Variants in TACR1 observed in about 807,000 individuals in gnomAD.
TACR1 encodes tachykinin receptor 1.
A neutral mutation model predicts 35.8 loss-of-function variants in TACR1; 25 were observed. The ratio of observed to expected loss-of-function variants is 0.70; its 90% CI spans 0.51 to 0.98. The LOEUF (loss-of-function observed/expected upper bound fraction) is 0.98. Ranked by LOEUF, TACR1 falls within the 50% of genes least tolerant of loss-of-function variation. The pLI, the probability that TACR1 is intolerant of heterozygous loss-of-function variation, is 0.00. For missense variants in TACR1, 478 were observed against 522.9 expected, an observed-to-expected ratio of 0.91 and a Z score of 0.84; for synonymous variants, 195 against 206.7, an observed-to-expected ratio of 0.94 and a Z score of 0.48.
intron 2 of TACR1, among the ~76,000 whole-genome samples, chr2:75,077,761 T>TG (rs1673008686): frequency 6.6e-6 from 1 of 152,184 alleles, no homozygotes; most frequent in South Asian, 2.1e-4. Flanking sequence ...GGGGCATCCT[T>TG]GGGAGTATGG....
chr2:75,122,425 A>G (rs1489160133), intron 1 of TACR1, among the ~76,000 whole-genome samples: 3 of 152,196 alleles, frequency 2.0e-5, no homozygotes, highest in East Asian at 3.9e-4. Context: ...TGTGCTAGGG[A>G]CCTGGGATTT....
intron 1 of TACR1, among the ~76,000 whole-genome samples, chr2:75,181,739 T>C (rs1283120573): frequency 6.6e-6 from 1 of 152,198 alleles, no homozygotes; most frequent in Non-Finnish European, 1.5e-5. Context: ...GTTTTATTCA[T>C]GGATAAATTT....
chr2:75,140,486 C>T (rs1674380350), intron 1 of TACR1, among the ~76,000 whole-genome samples: 2 of 151,934 alleles, frequency 1.3e-5, no homozygotes, highest in Non-Finnish European at 2.9e-5. Context: ...TTGGGTAGTT[C>T]CTGATTCGTC....
In TACR1 at chr2:75,199,010, G is replaced by A. The variant is rs1015083935; in HGVS notation, c.-76C>T. On this transcript the variant is annotated 5_prime_UTR_variant, in exon 1 of 5. Transcript: ENST00000305249. ...AGCAGAGTCCTGTGGCTGGCGCCTG[G>A]GGCTCAGGGTCCTTCTAAAGCCAGA... 6.5e-7 allele frequency: 1 copy of A among 1,542,666 alleles called. No homozygotes were observed. The highest frequency in any genetic ancestry group is 1.4e-5 in the African/African-American group (1 of 73,260).
At chr2:75,110,608 TATA>T (rs1403406044) in intron 2 of TACR1, among the ~76,000 whole-genome samples, 10 of 152,008 alleles carry the variant, frequency 6.6e-5, no homozygotes, top group Non-Finnish European at 1.3e-4. Flanking sequence ...ATTTACTGAT[TATA>T]ATATTATGAT....
intron 3 of TACR1, 30 bp from the exon 4 acceptor site, chr2:75,051,477 C>G (rs376357773): frequency 1.2e-6 from 2 of 1,611,930 alleles, no homozygotes; most frequent in African/African-American, 2.7e-5. Flanking sequence ...GGTGAGACCA[C>G]CAGCACATCC....
intron 1 of TACR1, among the ~76,000 whole-genome samples, chr2:75,178,303 G>A (rs544740372): frequency 6.6e-6 from 1 of 151,812 alleles, no homozygotes; most frequent in East Asian, 1.9e-4. Context: ...TCCTGTCTCA[G>A]CCTCCCAAGT....
intron 1 of TACR1, among the ~76,000 whole-genome samples, chr2:75,139,323 A>G (rs964842315): frequency 6.6e-6 from 1 of 152,198 alleles, no homozygotes; most frequent in African/African-American, 2.4e-5. Context: ...CTAGCAAGGA[A>G]TTTGGGCAGA....
At chr2:75,160,705 A>G (rs556678324) in intron 1 of TACR1, among the ~76,000 whole-genome samples, 12 of 144,572 alleles carry the variant, frequency 8.3e-5, no homozygotes, top group African/African-American at 2.5e-4. Context: ...ATAAAAAATA[A>G]TGGGGAAATA....
At chr2:75,161,858 A>G (rs1675017518) in intron 1 of TACR1, among the ~76,000 whole-genome samples, 1 of 152,178 alleles carries the variant, frequency 6.6e-6, no homozygotes, top group Non-Finnish European at 1.5e-5. Context: ...AAACTTGTGT[A>G]CAAATATGGC....
At chr2:75,189,480 G>C (rs1194488698) in intron 1 of TACR1, 1 of 152,178 alleles carries the variant, frequency 6.6e-6, no homozygotes, top group Non-Finnish European at 1.5e-5. Context: ...AATATACATT[G>C]CTTTGTATGT....
intron 1 of TACR1, among the ~76,000 whole-genome samples, chr2:75,128,630 G>T (rs777191979): frequency 3.3e-5 from 5 of 152,200 alleles, no homozygotes; most frequent in Non-Finnish European, 4.4e-5. Context: ...AGTGGCTGGG[G>T]TGAAGCAGGA....
intron 2 of TACR1, among the ~76,000 whole-genome samples, chr2:75,112,864 A>C (rs1015844432): frequency 2.0e-5 from 3 of 152,200 alleles, no homozygotes; most frequent in Admixed American, 2.0e-4. Context: ...GCTCAAAAAC[A>C]TAACATTACT....
intron 2 of TACR1, among the ~76,000 whole-genome samples, chr2:75,065,310 G>C (rs1672742300): frequency 6.6e-6 from 1 of 152,190 alleles, no homozygotes; most frequent in South Asian, 2.1e-4. Context: ...GGGGTGTTTT[G>C]TTTTAAACCA....
intron 2 of TACR1, among the ~76,000 whole-genome samples, chr2:75,084,741 G>A (rs2103840131): frequency 6.6e-6 from 1 of 152,172 alleles, no homozygotes; most frequent in East Asian, 1.9e-4. Context: ...TTCTCTGATG[G>A]TAGTTTGTAT....
chr2:75,135,363 C>T (rs1317107615), intron 1 of TACR1, among the ~76,000 whole-genome samples: 1 of 152,252 alleles, frequency 6.6e-6, no homozygotes, highest in African/African-American at 2.4e-5. Context: ...AATTCTGGTG[C>T]ATAGCAGGCA....
At chr2:75,089,947 A>G (rs1311658419) in intron 2 of TACR1, among the ~76,000 whole-genome samples, 1 of 152,210 alleles carries the variant, frequency 6.6e-6, no homozygotes. Flanking sequence ...GCAGCTCATT[A>G]CCATCTTAAT....
intron 2 of TACR1, among the ~76,000 whole-genome samples, chr2:75,074,453 G>A (rs1006909736): frequency 1.3e-5 from 2 of 152,278 alleles, no homozygotes; most frequent in African/African-American, 4.8e-5. Context: ...TGGCCCTACA[G>A]CATGTGGCTC....
chr2:75,185,274 C>T (rs770068415), intron 1 of TACR1, among the ~76,000 whole-genome samples: 3 of 151,770 alleles, frequency 2.0e-5, no homozygotes, highest in African/African-American at 4.8e-5. Flanking sequence ...TATAAAAGTA[C>T]AGTAAATGAA....
Sources: gnomAD v4.1 joint callset for allele counts (sites outside exome capture counted in the v4.1 genomes callset) on GRCh38, gnomAD v4.1.1 for gene constraint, MANE v1.5 for transcripts, NCBI Gene and HGNC (gene_info 2026-07-23, HGNC 2026-07-21) for gene names.